Variants in MRPL4 observed in about 807,000 individuals in gnomAD.
MRPL4 encodes the protein mitochondrial ribosomal protein L4.
In MRPL4, 34 loss-of-function variants were observed where a neutral mutation model predicts 34.1. That is an observed-to-expected ratio of 1.00 (90% confidence interval 0.76 to 1.33). The LOEUF (loss-of-function observed/expected upper bound fraction) is 1.33. MRPL4 is among the 40% of genes most tolerant of loss of function. The probability of loss-of-function intolerance (pLI) is 0.00; values close to 1 mark genes in which losing one functional copy is unlikely to be tolerated. For missense variants in MRPL4, 402 were observed against 434.6 expected (o/e 0.92, Z 0.67); for synonymous variants, 196 against 188.3 (o/e 1.04, Z -0.33).
At chr19:10,252,076 C>G (rs1260672922), upstream of MRPL4, 4 of 696,300 alleles carry the variant, frequency 5.7e-6, no homozygotes, top group Non-Finnish European at 9.2e-6. Context: ...GGGGTTAGTC[C>G]TGGGGTGGAG....
intron 3 of MRPL4, 51 bp from the exon 4 acceptor site, chr19:10,254,538 G>A (rs1182500554): frequency 6.2e-7 from 1 of 1,604,554 alleles, no homozygotes; most frequent in Non-Finnish European, 8.5e-7. Context: ...ATAGTGGGGT[G>A]GGAGCGTTTG....
chr19:10,257,877 C>T (rs1052767251), intron 5 of MRPL4, among the ~76,000 whole-genome samples: 6 of 152,006 alleles, frequency 3.9e-5, no homozygotes, highest in Non-Finnish European at 7.4e-5. Context: ...GACAAGATCT[C>T]GCTCTGTTGC....
upstream of MRPL4, chr19:10,252,211 TC>T (rs1324052409): frequency 6.5e-7 from 1 of 1,548,746 alleles, no homozygotes. Context: ...CTCGCGAGGC[TC>T]CAGTGGCCTT....
intron 5 of MRPL4, among the ~76,000 whole-genome samples, chr19:10,257,281 A>G (rs1347286399): frequency 2.0e-5 from 3 of 151,884 alleles, no homozygotes; most frequent in East Asian, 1.9e-4. Flanking sequence ...CCAGGCAGAG[A>G]TGACTCTCTC....
At chr19:10,254,551 G>A in intron 3 of MRPL4, 38 bp from the exon 4 acceptor site, 1 of 1,610,868 alleles carries the variant, frequency 6.2e-7, no homozygotes, top group East Asian at 2.2e-5. Context: ...AGCGTTTGAA[G>A]CAGAGTTGGG....
Position 10,254,628 on chromosome 19 carries a change from C to T in MRPL4, c.315C>T (p.Asn105=). 2 of 1,614,004 alleles carry T rather than the reference C, an allele frequency of 1.2e-6. No individual in the cohort carries two copies. Among genetic ancestry groups the T allele is most frequent in the South Asian group, 1.1e-5 (1 of 91,084 alleles). The change falls in exon 4 of 9, where the codon AAC becomes AAT. Residue 105 remains asparagine (N), a synonymous_variant. Transcript: ENST00000253099. ...ILHQVAMWQK[N]FKRISYAKTK... ...ACCAGGTTGCTATGTGGCAGAAGAA[C>T]TTCAAGAGAATTGTGAGTGCCTAAA...
At chr19:10,254,846 C>G (rs1191803772) in intron 4 of MRPL4, 2 of 434,282 alleles carry the variant, frequency 4.6e-6, no homozygotes, top group Non-Finnish European at 8.4e-6. Context: ...ACTCTGTCAC[C>G]CAGGCTGGAG....
rs759381900 is a variant in MRPL4 at position 10,256,789 on chromosome 19, C to A, written c.409C>A (p.Arg137=). Residue 137 remains arginine, a synonymous_variant, in exon 5 of 9, where the codon CGG becomes AGG. Coordinates refer to ENST00000253099, the MANE Select transcript of MRPL4 (RefSeq NM_015956.3). ...PWPQKGTGRA[R]HGSIRSPLWR... is the part of the protein sequence containing the mutation. ...GCCGCAGAAAGGCACTGGGCGGGCC[C>A]GGCATGGCAGCATCCGCTCTCCGCT... The A allele has an allele frequency of 7.3e-7, 1 of 1,377,450 alleles. No homozygotes were observed. Among genetic ancestry groups the A allele is most frequent in the Admixed American group, 2.2e-5 (1 of 45,934 alleles). 85.3% of individuals were successfully genotyped at this position (1,377,450 alleles called of 1,614,324 possible).
intron 8 of MRPL4, chr19:10,259,124 A>AT: frequency 7.8e-7 from 1 of 1,274,820 alleles, no homozygotes; most frequent in South Asian, 2.9e-5. Flanking sequence ...AAAAAAAAAA[A>AT]AGCTCCAAAG....
chr19:10,258,343 G>T lies in MRPL4; in HGVS notation c.552+15G>T, dbSNP rs778296825. On this transcript the variant is annotated intron_variant, in intron 6 of 8. Coordinates refer to ENST00000253099, the MANE Select transcript of MRPL4 (RefSeq NM_015956.3). ...AGCTGGCCCAGGTACAGCCATGGGG[G>T]GGCCCAGACAGCTGCTAGAGGTGGG... The T allele has an allele frequency of 6.2e-7, 1 of 1,613,912 alleles. No individual in the cohort carries two copies. The highest frequency in any genetic ancestry group is 2.2e-5 in the East Asian group (1 of 44,872).
chr19:10,258,662 C>T lies in MRPL4; in HGVS notation c.716C>T (p.Thr239Ile). The change falls in exon 8 of 9, where the codon ACC (threonine) becomes ATC (isoleucine). Residue 239 changes from threonine to isoleucine, a missense_variant. Transcript: ENST00000253099. ...SIVEATSRLKTFNLIPAVGLN... is the reference protein window; with the variant it reads ...SIVEATSRLKIFNLIPAVGLN... ...GTGGAGGCCACCTCTAGGCTTAAGA[C>T]CTTCAACTTGATCCCGGCTGTTGGT... 3.1e-6 allele frequency: 5 copies of T among 1,614,168 alleles called. No homozygotes were observed. Among genetic ancestry groups the T allele is most frequent in the Non-Finnish European group, 4.2e-6 (5 of 1,180,040 alleles).
chr19:10,258,718 A>G, intron 8 of MRPL4, 33 bp downstream of exon 8: 2 of 1,614,048 alleles, frequency 1.2e-6, no homozygotes, highest in East Asian at 2.2e-5. Flanking sequence ...TAGAGTGCGC[A>G]TGTGCAGGCT....
chr19:10,256,930 GCC>G, intron 5 of MRPL4, 105 bp downstream of exon 5: 1 of 960,932 alleles, frequency 1.0e-6, no homozygotes, highest in Non-Finnish European at 1.5e-6. Context: ...TATTATGTCA[GCC>G]CTGTTCCCTC....
rs1369568029 is a variant in MRPL4 at position 10,252,567 on chromosome 19, G to A, written c.141G>A (p.Val47=). The change falls in exon 3 of 9, where the codon GTG becomes GTA. Residue 47 remains valine, a synonymous_variant. Coordinates refer to ENST00000253099, the MANE Select transcript of MRPL4 (RefSeq NM_015956.3). The stretch of plus-strand genomic sequence containing the variant: ...TCGCTCCAGGTCTCCCGGAGCCCGT[G>A]CTGCGCAAAGTCGAGCTCCCGGTAC... ...QVASEGLPEP[V]LRKVELPVPT... is the part of the protein sequence containing the mutation. 6.2e-7 allele frequency: 1 copy of A among 1,613,168 alleles called. No individual in the cohort carries two copies. The highest frequency in any genetic ancestry group is 2.2e-5 in the East Asian group (1 of 44,870).
At chr19:10,253,272 C>T (rs902113831) in intron 3 of MRPL4, among the ~76,000 whole-genome samples, 6 of 150,838 alleles carry the variant, frequency 4.0e-5, no homozygotes, top group African/African-American at 7.3e-5. Context: ...GTCAGGAGAT[C>T]GAGACCATCC....
At position 10,256,765 on chromosome 19, in the gene MRPL4, C is replaced by A; in HGVS notation, c.385C>A (p.Pro129Thr). ...EVRGGGRKPWPQKGTGRARHG... is the reference protein window; with the variant it reads ...EVRGGGRKPWTQKGTGRARHG... ...GCGGGGCGGTGGCCGGAAGCCTTGGCCGCAGAAAGGCACTGGGCGGGCCCG... is the reference window on the plus strand; with the variant it reads ...GCGGGGCGGTGGCCGGAAGCCTTGGACGCAGAAAGGCACTGGGCGGGCCCG... Residue 129 changes from proline (P) to threonine (T), a missense_variant, in exon 5 of 9, where the codon CCG becomes ACG. Transcript: ENST00000253099. The A allele has an allele frequency of 6.3e-7, 1 of 1,599,008 alleles. No individual in the cohort carries two copies. Among genetic ancestry groups the A allele is most frequent in the Non-Finnish European group, 8.5e-7 (1 of 1,172,934 alleles).
chr19:10,257,843 G>GT (rs1002561316), intron 5 of MRPL4, among the ~76,000 whole-genome samples: 3 of 151,734 alleles, frequency 2.0e-5, no homozygotes, highest in Non-Finnish European at 1.5e-5. Context: ...AAGGTGGTTT[G>GT]TTTTTTTTAT....
chr19:10,258,993 G>A (rs1196411285), intron 8 of MRPL4: 14 of 1,411,828 alleles, frequency 9.9e-6, no homozygotes, highest in Admixed American at 2.9e-5. Context: ...CCAGCTACTC[G>A]GGGGCTGAGC....
intron 8 of MRPL4, chr19:10,258,947 TAA>T (rs1217713626): frequency 7.0e-7 from 1 of 1,421,112 alleles, no homozygotes. Flanking sequence ...GTACTAAAAA[TAA>T]AAAAGTTAGG....
Sources: gnomAD v4.1 joint callset for allele counts (sites outside exome capture counted in the v4.1 genomes callset) on GRCh38, gnomAD v4.1.1 for gene constraint, MANE v1.5 for transcripts, NCBI Gene and HGNC (gene_info 2026-07-23, HGNC 2026-07-21) for gene names.